The following CDC42BPA variants were observed in gnomAD, a reference collection of about 807,000 sequenced individuals.
CDC42BPA encodes the protein CDC42 binding protein kinase alpha, also known as serine/threonine-protein kinase MRCK alpha.
Under a neutral mutation model 223.5 loss-of-function variants are expected in CDC42BPA, and 80 were observed. That is an observed-to-expected ratio of 0.36 (90% CI 0.30 to 0.43). The LOEUF is 0.43. Ranked by LOEUF, CDC42BPA falls within the 20% of genes least tolerant of loss-of-function variation. The pLI, the probability that CDC42BPA is intolerant of heterozygous loss-of-function variation, is 1.00. For missense variants in CDC42BPA, 1,743 were observed against 2,099.9 expected, an observed-to-expected ratio of 0.83 and a Z score of 3.32; for synonymous variants, 694 against 718.6, an observed-to-expected ratio of 0.97 and a Z score of 0.55.
intron 16 of CDC42BPA, among the ~76,000 whole-genome samples, chr1:227,084,860 TG>T (rs1681507193): frequency 7.2e-6 from 1 of 138,020 alleles, no homozygotes; most frequent in Admixed American, 7.2e-5. Flanking sequence ...ACACTTGAAT[TG>T]GGAGAGTGAG....
At chr1:227,202,700 G>C (rs922996801) in intron 3 of CDC42BPA, among the ~76,000 whole-genome samples, 1 of 149,342 alleles carries the variant, frequency 6.7e-6, no homozygotes, top group African/African-American at 2.5e-5. Flanking sequence ...TGAGAGGATC[G>C]CTTGAGGCCT....
At chr1:227,169,027 G>C (rs1280830391) in intron 5 of CDC42BPA, among the ~76,000 whole-genome samples, 1 of 151,976 alleles carries the variant, frequency 6.6e-6, no homozygotes, top group East Asian at 1.9e-4. Flanking sequence ...TTAACTTCAA[G>C]TCTTTACTTT....
At chr1:227,278,177 TC>T (rs1241508912) in intron 1 of CDC42BPA, among the ~76,000 whole-genome samples, 2 of 152,264 alleles carry the variant, frequency 1.3e-5, no homozygotes, top group Non-Finnish European at 2.9e-5. Context: ...GTGAAATTTT[TC>T]TGTTGTTGTT....
chr1:227,297,348 G>A (rs915092882), intron 1 of CDC42BPA, among the ~76,000 whole-genome samples: 15 of 152,090 alleles, frequency 9.9e-5, no homozygotes, highest in Non-Finnish European at 7.4e-5. Flanking sequence ...AATGTATGAC[G>A]GTACCACTGC....
intron 24 of CDC42BPA, 45 bp from the exon 25 acceptor site, chr1:227,035,652 CAA>C (rs755583265): frequency 4.7e-6 from 7 of 1,504,630 alleles, no homozygotes; most frequent in Non-Finnish European, 5.4e-6. Context: ...TTCATTTTAA[CAA>C]AAAGAAAATT....
At chr1:227,002,131 A>T (rs1662996584) in intron 35 of CDC42BPA, among the ~76,000 whole-genome samples, 2 of 152,182 alleles carry the variant, frequency 1.3e-5, no homozygotes, top group Non-Finnish European at 2.9e-5. Context: ...CTTGCTGGGA[A>T]TATAACATAA....
In CDC42BPA at chr1:227,303,655, A is replaced by C. The variant is rs147254963; in HGVS notation, c.178+13350T>G. On this transcript the variant is annotated intron_variant, in intron 1 of 36. Transcript: ENST00000366766. ...TCTAAAACTTCTGAAGATTCTGCCAAGTAAACTGAACAGGTCCTCAGCTTT... is the reference window on the plus strand; with the variant it reads ...TCTAAAACTTCTGAAGATTCTGCCACGTAAACTGAACAGGTCCTCAGCTTT... Among the ~76,000 whole-genome samples, 64 of 152,302 alleles carry C rather than the reference A, an allele frequency of 4.2e-4. 1 individual carries two copies. Among genetic ancestry groups the C allele is most frequent in the African/African-American group, 1.5e-3 (62 of 41,556 alleles).
chr1:227,081,545 C>T (rs759382551), intron 16 of CDC42BPA, among the ~76,000 whole-genome samples: 14 of 151,838 alleles, frequency 9.2e-5, no homozygotes, highest in Admixed American at 1.3e-4. Context: ...TTCTGCCTCC[C>T]GGGTTCAAGC....
chr1:227,011,345 G>GTC (rs1665165783), intron 34 of CDC42BPA, among the ~76,000 whole-genome samples: 2 of 152,134 alleles, frequency 1.3e-5, no homozygotes, highest in African/African-American at 4.8e-5. Context: ...TCAGAGTTTA[G>GTC]TTCAGTATTT....
intron 5 of CDC42BPA, among the ~76,000 whole-genome samples, chr1:227,179,589 T>C (rs534368831): frequency 1.4e-4 from 18 of 126,436 alleles, no homozygotes; most frequent in South Asian, 1.1e-3. Context: ...TGAGCCGAGA[T>C]TGTGCCACTG....
At chr1:227,031,191 T>G in intron 28 of CDC42BPA, 107 bp downstream of exon 28, 1 of 783,184 alleles carries the variant, frequency 1.3e-6, no homozygotes, top group Non-Finnish European at 2.2e-6. Flanking sequence ...TATGATATGA[T>G]GCACAGTATG....
intron 22 of CDC42BPA, among the ~76,000 whole-genome samples, chr1:227,051,469 T>C (rs141072742): frequency 3.3e-5 from 5 of 152,320 alleles, no homozygotes; most frequent in Admixed American, 6.5e-5. Flanking sequence ...TTGCCAGAAG[T>C]GGCTATTTTA....
At chr1:227,186,607 A>C (rs1343357219) in intron 5 of CDC42BPA, among the ~76,000 whole-genome samples, 1 of 152,162 alleles carries the variant, frequency 6.6e-6, no homozygotes, top group African/African-American at 2.4e-5. Context: ...TTGGGACCTA[A>C]TCATAGGACC....
At chr1:227,314,751 T>TGGTGGCGCGCGCCTGTAG (rs770546467) in intron 1 of CDC42BPA, among the ~76,000 whole-genome samples, 21 of 121,442 alleles carry the variant, frequency 1.7e-4, no homozygotes, top group African/African-American at 4.0e-4. Flanking sequence ...CAAATAGTCT[T>TGGTGGCGCGCGCCTGTAG]TTAAAGATTT....
chr1:227,055,643 A>C (rs1400567196), intron 21 of CDC42BPA, among the ~76,000 whole-genome samples: 1 of 152,122 alleles, frequency 6.6e-6, no homozygotes, highest in African/African-American at 2.4e-5. Context: ...GGAAGTTAAA[A>C]TATTCTTTTT....
intron 2 of CDC42BPA, among the ~76,000 whole-genome samples, chr1:227,237,359 C>T (rs1679238904): frequency 6.6e-6 from 1 of 152,172 alleles, no homozygotes; most frequent in Admixed American, 6.5e-5. Flanking sequence ...CTCCTGTCTA[C>T]CCCATTCCCT....
At chr1:227,296,625 G>A (rs1312049598) in intron 1 of CDC42BPA, among the ~76,000 whole-genome samples, 1 of 148,486 alleles carries the variant, frequency 6.7e-6, no homozygotes, top group South Asian at 2.1e-4. Flanking sequence ...AAAATCGCTT[G>A]AACTCAGGAG....
intron 34 of CDC42BPA, among the ~76,000 whole-genome samples, chr1:227,010,343 A>T (rs1342549613): frequency 6.6e-6 from 1 of 152,148 alleles, no homozygotes; most frequent in Non-Finnish European, 1.5e-5. Context: ...TTATTTTTGG[A>T]ATTTTTGTTA....
chr1:227,034,532 G>A (rs1180277367), intron 26 of CDC42BPA, 123 bp downstream of exon 26: 1 of 890,616 alleles, frequency 1.1e-6, no homozygotes, highest in Non-Finnish European at 1.7e-6. Context: ...AGCAATATTA[G>A]CAAATTAGAA....
Sources: gnomAD v4.1 joint callset for allele counts (sites outside exome capture counted in the v4.1 genomes callset) on GRCh38, gnomAD v4.1.1 for gene constraint, MANE v1.5 for transcripts, NCBI Gene and HGNC (gene_info 2026-07-23, HGNC 2026-07-21) for gene names.